The following ERI3 variants were observed in gnomAD, a reference collection of about 807,000 sequenced individuals.
ERI3 encodes ERI1 exoribonuclease 3.
Under a neutral mutation model 44.4 loss-of-function variants are expected in ERI3, and 18 were observed. The ratio of observed to expected loss-of-function variants is 0.41; its 90% CI spans 0.28 to 0.60. ERI3 has a LOEUF of 0.60. ERI3 is among the 20% of genes least tolerant of loss of function. The pLI, the probability that ERI3 is intolerant of heterozygous loss-of-function variation, is 0.36. For missense variants in ERI3, 294 were observed against 435.5 expected (o/e 0.68, Z 2.89); for synonymous variants, 183 against 164.8 (o/e 1.11, Z -0.84).
At chr1:44,303,185 G>A (rs947547847) in intron 6 of ERI3, among the ~76,000 whole-genome samples, 3 of 152,206 alleles carry the variant, frequency 2.0e-5, no homozygotes, top group Non-Finnish European at 4.4e-5. Context: ...AAGCCTGTGG[G>A]CTATCTCACC....
At position 44,293,868 on chromosome 1, in the gene ERI3, C is replaced by T. The variant is rs558895145; in HGVS notation, c.759-8961G>A. On this transcript the variant is annotated intron_variant, in intron 6 of 8. Coordinates refer to ENST00000372257, the MANE Select transcript of ERI3 (RefSeq NM_024066.3). ...ACTTCCCCCTACTGGTACACACGCACCTCTGGCCTGGCACGGGTCACGGCT... is the reference window on the plus strand; with the variant it reads ...ACTTCCCCCTACTGGTACACACGCATCTCTGGCCTGGCACGGGTCACGGCT... Among the ~76,000 whole-genome samples, 12 of 152,318 alleles carry T rather than the reference C, an allele frequency of 7.9e-5. No individual in the cohort carries two copies. The South Asian group carries it at 2.3e-3, about 29-fold the overall frequency.
At chr1:44,229,370 T>A (rs1012287494) in intron 8 of ERI3, among the ~76,000 whole-genome samples, 1 of 152,176 alleles carries the variant, frequency 6.6e-6, no homozygotes, top group Non-Finnish European at 1.5e-5. Context: ...CACATCTTTC[T>A]GTGTTATTGC....
intron 2 of ERI3, among the ~76,000 whole-genome samples, chr1:44,340,139 T>G (rs1219696818): frequency 3.4e-5 from 4 of 116,104 alleles, no homozygotes; most frequent in Non-Finnish European, 6.9e-5. Flanking sequence ...GTTTTCTGAG[T>G]GAACATGTGC....
chr1:44,327,746 T>G lies in ERI3; in HGVS notation c.490-8002A>C, dbSNP rs79404267. On this transcript the variant is annotated intron_variant, in intron 3 of 8. Transcript: ENST00000372257. Reference sequence around the variant, plus strand: ...GTCCACATTCTGGGACTTGGGCACATGCAGCCAAAGCCTGTTCCATCAGTC... The same window carrying G: ...GTCCACATTCTGGGACTTGGGCACAGGCAGCCAAAGCCTGTTCCATCAGTC... 5.8e-3 allele frequency among the ~76,000 whole-genome samples: 885 copies of G among 152,328 alleles called. 5 individuals are homozygous for G. The highest frequency in any genetic ancestry group is 0.019 in the African/African-American group (809 of 41,572).
intron 5 of ERI3, among the ~76,000 whole-genome samples, chr1:44,309,525 AT>A: frequency 6.6e-6 from 1 of 152,112 alleles, no homozygotes; most frequent in Non-Finnish European, 1.5e-5. Context: ...AAAAGAATTC[AT>A]GAAGCATTGC....
chr1:44,353,789 G>A, intron 1 of ERI3: 2 of 985,420 alleles, frequency 2.0e-6, no homozygotes, highest in South Asian at 9.4e-5. Flanking sequence ...TTAATTTGGA[G>A]TGCTTAAGTT....
chr1:44,338,807 T>C (rs879550920), intron 3 of ERI3, among the ~76,000 whole-genome samples: 17 of 152,142 alleles, frequency 1.1e-4, no homozygotes, highest in Admixed American at 1.1e-3. Flanking sequence ...GGAAATATTT[T>C]GATTCCCAAA....
intron 6 of ERI3, among the ~76,000 whole-genome samples, chr1:44,289,845 T>TG (rs1645468587): frequency 6.6e-6 from 1 of 152,136 alleles, no homozygotes; most frequent in Non-Finnish European, 1.5e-5. Flanking sequence ...GAGGCAGATG[T>TG]GGGGGAGAGC....
intron 6 of ERI3, among the ~76,000 whole-genome samples, chr1:44,289,056 T>C (rs1031648933): frequency 2.6e-5 from 4 of 152,246 alleles, no homozygotes; most frequent in African/African-American, 9.6e-5. Context: ...CTGGTCATGC[T>C]TATTATTGTT....
At chr1:44,353,917 T>C (rs1646945594) in intron 1 of ERI3, 1 of 985,194 alleles carries the variant, frequency 1.0e-6, no homozygotes, top group African/African-American at 1.7e-5. Context: ...GGCAGCCAAG[T>C]GGGTTTCTAA....
intron 7 of ERI3, among the ~76,000 whole-genome samples, chr1:44,256,501 G>T (rs1013703830): frequency 1.2e-4 from 18 of 152,332 alleles, no homozygotes; most frequent in Admixed American, 1.3e-4. Flanking sequence ...CAGTTCTGTT[G>T]TGTGTACAGT....
At chr1:44,299,678 G>T (rs1645683975) in intron 6 of ERI3, among the ~76,000 whole-genome samples, 1 of 152,164 alleles carries the variant, frequency 6.6e-6, no homozygotes, top group East Asian at 1.9e-4. Context: ...CCAAGCAAAT[G>T]GGCCTAGGAA....
intron 2 of ERI3, among the ~76,000 whole-genome samples, chr1:44,352,405 CATAGATAGATAGATAG>C (rs71742610): frequency 0.066 from 9,687 of 147,458 alleles, 359 homozygotes; most frequent in South Asian, 0.11. Context: ...AGCAAGGTCT[CATAGATAGATAGATAG>C]ATAGATAGAT....
intron 7 of ERI3, among the ~76,000 whole-genome samples, chr1:44,260,794 C>A (rs1644878558): frequency 7.4e-6 from 1 of 135,754 alleles, no homozygotes; most frequent in Admixed American, 8.0e-5. Context: ...TTTGCTTATA[C>A]TATATTTCCC....
chr1:44,346,975 T>C (rs1382060697), intron 2 of ERI3, among the ~76,000 whole-genome samples: 1 of 152,172 alleles, frequency 6.6e-6, no homozygotes, highest in African/African-American at 2.4e-5. Context: ...ATTGTATCGA[T>C]GATTTACATA....
intron 2 of ERI3, among the ~76,000 whole-genome samples, chr1:44,352,073 G>C (rs1646902251): frequency 6.6e-6 from 1 of 152,122 alleles, no homozygotes; most frequent in Non-Finnish European, 1.5e-5. Flanking sequence ...TGGCTTTCTT[G>C]TTCACCACTA....
chr1:44,301,184 A>G (rs1645718682), intron 6 of ERI3, among the ~76,000 whole-genome samples: 1 of 152,186 alleles, frequency 6.6e-6, no homozygotes, highest in Non-Finnish European at 1.5e-5. Flanking sequence ...CTCTGCTGAC[A>G]GAGGGCTCTA....
In ERI3 at chr1:44,241,040, C is replaced by T. The variant is rs1478486939; in HGVS notation, c.931+6899G>A. The stretch of plus-strand genomic sequence containing the variant: ...TGAAGTGTGGATTGTCCCATGAGTA[C>T]TGTGGGCCTGAAAGGAGGGGCTGCT... On this transcript the variant is annotated intron_variant, in intron 8 of 8. Transcript: ENST00000372257. This position sits in a 1 kb window ranked among gnomAD's most constrained non-coding sequence, Gnocchi z 5.6. 6.6e-6 allele frequency among the ~76,000 whole-genome samples: 1 copy of T among 152,170 alleles called. No homozygotes were observed. Among genetic ancestry groups the T allele is most frequent in the African/African-American group, 2.4e-5 (1 of 41,428 alleles).
chr1:44,254,797 C>T (rs1644749130), intron 7 of ERI3, among the ~76,000 whole-genome samples: 1 of 151,876 alleles, frequency 6.6e-6, no homozygotes, highest in African/African-American at 2.4e-5. Flanking sequence ...CTCCCCTGTT[C>T]TAACAGGGGA....
Sources: gnomAD v4.1 joint callset for allele counts (sites outside exome capture counted in the v4.1 genomes callset) on GRCh38, gnomAD v4.1.1 for gene constraint, Gnocchi (gnomAD v3.1) non-coding constraint, MANE v1.5 for transcripts, NCBI Gene and HGNC (gene_info 2026-07-23, HGNC 2026-07-21) for gene names.